ENTREP2: variants seen among roughly 807,000 people sequenced by gnomAD.
ENTREP2 encodes protein ENTREP2.
chr15:29,269,800 C>T, the ENTREP2 span: 11 of 1,201,968 alleles, frequency 9.2e-6, no homozygotes, highest in South Asian at 1.8e-5. Flanking sequence ...TGCCTGGAGG[C>T]GCGCGCAGTG....
the ENTREP2 span, among the ~76,000 whole-genome samples, chr15:29,330,147 G>C: frequency 6.6e-6 from 1 of 152,050 alleles, no homozygotes; most frequent in African/African-American, 2.4e-5. Context: ...GATGAGATAA[G>C]AACAGTCTTG....
the ENTREP2 span, chr15:29,267,551 C>T: frequency 6.6e-6 from 1 of 152,080 alleles, no homozygotes; most frequent in Non-Finnish European, 1.5e-5. Context: ...AGACCCATAC[C>T]CTTTTCCCTA....
the ENTREP2 span, chr15:29,233,704 T>C: frequency 4.0e-6 from 5 of 1,259,128 alleles, no homozygotes; most frequent in South Asian, 2.4e-5. Flanking sequence ...ACGCACTCTG[T>C]TGCTCATCAA....
chr15:29,186,856 T>C, the ENTREP2 span, among the ~76,000 whole-genome samples: 1 of 152,166 alleles, frequency 6.6e-6, no homozygotes, highest in African/African-American at 2.4e-5. Flanking sequence ...AAAATGCAAG[T>C]GATGCATTGG....
chr15:29,566,597 C>T, the ENTREP2 span, among the ~76,000 whole-genome samples: 14 of 152,066 alleles, frequency 9.2e-5, no homozygotes, highest in African/African-American at 2.4e-4. Context: ...CCTGGGATTA[C>T]AGGTGCCCAC....
At chr15:29,263,309 A>G in the ENTREP2 span, among the ~76,000 whole-genome samples, 81,790 of 152,096 alleles carry the variant, frequency 0.54, 22,689 homozygotes, top group South Asian at 0.64. Context: ...AAGCTTCCCA[A>G]TGCATTTATA....
the ENTREP2 span, among the ~76,000 whole-genome samples, chr15:29,565,437 C>T: frequency 6.6e-6 from 1 of 151,704 alleles, no homozygotes; most frequent in Non-Finnish European, 1.5e-5. Context: ...ATAAGCAGCA[C>T]TGTTTGTAGA....
chr15:29,235,034 C>T, the ENTREP2 span: 5 of 1,204,006 alleles, frequency 4.2e-6, no homozygotes, highest in South Asian at 3.6e-5. Flanking sequence ...GATAAATTCT[C>T]TTCTTCCCAG....
At chr15:29,217,088 C>T in the ENTREP2 span, among the ~76,000 whole-genome samples, 2 of 152,152 alleles carry the variant, frequency 1.3e-5, no homozygotes, top group African/African-American at 4.8e-5. Flanking sequence ...GGCAAGTAAA[C>T]AGTTCTAGGT....
the ENTREP2 span, among the ~76,000 whole-genome samples, chr15:29,468,082 A>G: frequency 6.6e-6 from 1 of 152,194 alleles, no homozygotes; most frequent in Non-Finnish European, 1.5e-5. Flanking sequence ...GCTGCTTGAA[A>G]GCAAGATCAT....
the ENTREP2 span, among the ~76,000 whole-genome samples, chr15:29,474,893 C>T: frequency 2.0e-5 from 3 of 152,024 alleles, no homozygotes; most frequent in African/African-American, 7.2e-5. Flanking sequence ...GTGTAGATGT[C>T]GTATCTTGCT....
At chr15:29,342,894 C>T in the ENTREP2 span, among the ~76,000 whole-genome samples, 54 of 152,192 alleles carry the variant, frequency 3.5e-4, no homozygotes, top group African/African-American at 1.2e-3. Flanking sequence ...TGGTACTTTG[C>T]TTCTAAGTTT....
chr15:29,365,842 CT>C, the ENTREP2 span, among the ~76,000 whole-genome samples: 1 of 151,990 alleles, frequency 6.6e-6, no homozygotes, highest in Admixed American at 6.6e-5. Flanking sequence ...AAGACGACAC[CT>C]TTGTTGGTTC....
At chr15:29,641,660 T>C in the ENTREP2 span, among the ~76,000 whole-genome samples, 2 of 151,784 alleles carry the variant, frequency 1.3e-5, no homozygotes, top group African/African-American at 4.8e-5. Context: ...GGTGAAACCC[T>C]GTCTCTAAAA....
the ENTREP2 span, among the ~76,000 whole-genome samples, chr15:29,247,407 C>T: frequency 2.0e-4 from 31 of 152,038 alleles, no homozygotes; most frequent in African/African-American, 7.2e-4. Context: ...TAAAACCAGG[C>T]AAGAACATTT....
At chr15:29,520,477 C>T in the ENTREP2 span, among the ~76,000 whole-genome samples, 1 of 152,026 alleles carries the variant, frequency 6.6e-6, no homozygotes. Flanking sequence ...AGATTACTCA[C>T]TATCAATATT....
At chr15:29,442,723 G>A in the ENTREP2 span, among the ~76,000 whole-genome samples, 26 of 152,152 alleles carry the variant, frequency 1.7e-4, no homozygotes, top group Admixed American at 8.5e-4. Context: ...CGTGCCCCCC[G>A]ACCTGGAAAG....
the ENTREP2 span, among the ~76,000 whole-genome samples, chr15:29,454,412 G>T: frequency 6.6e-6 from 1 of 152,136 alleles, no homozygotes; most frequent in Non-Finnish European, 1.5e-5. Context: ...TAATGGATGT[G>T]TGGTCAATTG....
At chr15:29,369,841 T>G in the ENTREP2 span, among the ~76,000 whole-genome samples, 2 of 152,212 alleles carry the variant, frequency 1.3e-5, no homozygotes, top group Admixed American at 6.5e-5. Context: ...CAAGACTGGG[T>G]TAGTTCTCTG....
Sources: allele counts gnomAD v4.1 joint callset (sites outside exome capture counted in the v4.1 genomes callset), GRCh38; gene constraint gnomAD v4.1.1; transcripts MANE v1.5; gene names NCBI Gene and HGNC (gene_info 2026-07-23, HGNC 2026-07-21).